The following WDR72 variants were observed in gnomAD, a reference collection of about 807,000 sequenced individuals.
The protein encoded by WDR72 is WD repeat-containing protein 72.
In WDR72, 120 loss-of-function variants were observed where a neutral mutation model predicts 124.2. The ratio of observed to expected loss-of-function variants is 0.97; its 90% confidence interval spans 0.83 to 1.12. The LOEUF (loss-of-function observed/expected upper bound fraction) is 1.12. WDR72 is among the 50% of genes most tolerant of loss of function. The pLI is 0.00. For synonymous variants in WDR72, 452 were observed against 441.7 expected (o/e 1.02, Z -0.29); for missense variants, 1,387 against 1,278.8 (o/e 1.08, Z -1.29).
intron 13 of WDR72, among the ~76,000 whole-genome samples, chr15:53,687,923 A>C: frequency 6.7e-6 from 1 of 150,048 alleles, no homozygotes; most frequent in South Asian, 2.1e-4. Context: ...CAAATCAATA[A>C]ATGTAATCCA....
intron 18 of WDR72, among the ~76,000 whole-genome samples, chr15:53,561,777 C>T (rs1329562805): frequency 6.6e-6 from 1 of 151,798 alleles, no homozygotes; most frequent in African/African-American, 2.4e-5. Context: ...CAGATGCCAG[C>T]ACCCTACTAT....
chr15:53,689,154 G>T (rs1389879632), intron 13 of WDR72, among the ~76,000 whole-genome samples: 1 of 152,142 alleles, frequency 6.6e-6, no homozygotes, highest in Admixed American at 6.5e-5. Flanking sequence ...CATAGGCATG[G>T]GCCAGGACTT....
At chr15:53,600,547 A>T (rs1426524788) in intron 17 of WDR72, among the ~76,000 whole-genome samples, 2 of 152,190 alleles carry the variant, frequency 1.3e-5, no homozygotes, top group African/African-American at 4.8e-5. Flanking sequence ...TATTAACTAA[A>T]GGTATTACTG....
At chr15:53,669,059 A>G (rs2015897937) in intron 13 of WDR72, among the ~76,000 whole-genome samples, 3 of 148,562 alleles carry the variant, frequency 2.0e-5, no homozygotes, top group South Asian at 4.4e-4. Flanking sequence ...GGGGAGGGGA[A>G]GGGGAAGAAG....
In WDR72 at chr15:53,705,912, A is replaced by G. The variant is rs957994878; in HGVS notation, c.1102+15T>C. On this transcript the variant is annotated intron_variant, in intron 10 of 19. Coordinates refer to ENST00000360509, the MANE Select transcript of WDR72 (RefSeq NM_182758.4). ...TTCTCAGAAGACATGTTACTAGAAA[A>G]GGAAACTGACTTACCTCTAGGAGAA... is the stretch of plus-strand genomic sequence containing the variant. 6.2e-6 allele frequency: 10 copies of G among 1,613,952 alleles called. No homozygotes were observed. Among genetic ancestry groups the G allele is most frequent in the Non-Finnish European group, 8.5e-6 (10 of 1,179,922 alleles).
chr15:53,636,789 C>T (rs1053074993), intron 14 of WDR72, among the ~76,000 whole-genome samples: 5 of 152,122 alleles, frequency 3.3e-5, no homozygotes, highest in Admixed American at 6.5e-5. Context: ...ACACAGGTAA[C>T]GACTGGAAGA....
intron 14 of WDR72, among the ~76,000 whole-genome samples, chr15:53,657,893 T>C (rs1482486322): frequency 6.6e-6 from 1 of 152,220 alleles, no homozygotes; most frequent in Non-Finnish European, 1.5e-5. Context: ...ATCAGCTTTA[T>C]GAATTTTCAG....
At chr15:53,705,816 A>G in intron 10 of WDR72, 111 bp downstream of exon 10, 1 of 1,287,170 alleles carries the variant, frequency 7.8e-7, no homozygotes, top group South Asian at 1.2e-5. Context: ...GTAGTAGTAC[A>G]CAATAAATTT....
At position 53,623,169 on chromosome 15, in the gene WDR72, C is replaced by T. The variant is rs141594792; in HGVS notation, c.1963-6926G>A. 1.5e-3 allele frequency among the ~76,000 whole-genome samples: 235 copies of T among 151,958 alleles called. 12 individuals carry two copies. The East Asian group carries it at 0.035, about 23-fold the overall frequency. ...TCAACTTTTATTTTAGATTCAGGGG[C>T]TACATCTGCAGATTTGTGGTTTGGG... On this transcript the variant is annotated intron_variant, in intron 14 of 19. Coordinates refer to ENST00000360509, the MANE Select transcript of WDR72 (RefSeq NM_182758.4).
intron 13 of WDR72, among the ~76,000 whole-genome samples, chr15:53,671,127 G>C (rs1294726150): frequency 6.6e-6 from 1 of 152,132 alleles, no homozygotes; most frequent in Non-Finnish European, 1.5e-5. Context: ...ACCTGCTCAT[G>C]ATTTTTTTTT....
intron 14 of WDR72, among the ~76,000 whole-genome samples, chr15:53,644,429 C>G (rs1429321515): frequency 6.6e-6 from 1 of 151,802 alleles, no homozygotes; most frequent in Non-Finnish European, 1.5e-5. Flanking sequence ...ATTTTTTAAG[C>G]CGATTAACTA....
At chr15:53,743,944 C>A (rs1169718665) in intron 1 of WDR72, among the ~76,000 whole-genome samples, 1 of 148,974 alleles carries the variant, frequency 6.7e-6, no homozygotes, top group Non-Finnish European at 1.5e-5. Context: ...CACTGCAGCC[C>A]GGCCTGGGCG....
Position 53,616,237 on chromosome 15 carries a change from C to A in WDR72, c.1969G>T (p.Asp657Tyr). ...LQVESSCKVT[D>Y]AKFCPRPFNV... Reference sequence around the variant, plus strand: ...AAAGGTCTTGGGCAAAATTTGGCATCAGTAACCTAAGGGAACAAAAAATAT... The same window carrying A: ...AAAGGTCTTGGGCAAAATTTGGCATAAGTAACCTAAGGGAACAAAAAATAT... Residue 657 changes from aspartate to tyrosine, a missense_variant, in exon 15 of 20, where the codon GAT (aspartate) becomes TAT (tyrosine). Physicochemically the swap from Asp to Tyr is radical, Grantham distance 160 (BLOSUM62 -3). Coordinates refer to ENST00000360509, the MANE Select transcript of WDR72 (RefSeq NM_182758.4). 1 of 1,600,206 alleles carries A rather than the reference C, an allele frequency of 6.2e-7. No individual in the cohort carries two copies. The highest frequency in any genetic ancestry group is 8.5e-7 in the Non-Finnish European group (1 of 1,178,760).
At chr15:53,556,017 A>G (rs1893919305) in intron 18 of WDR72, among the ~76,000 whole-genome samples, 1 of 152,176 alleles carries the variant, frequency 6.6e-6, no homozygotes, top group Non-Finnish European at 1.5e-5. Flanking sequence ...ACCAAAATAT[A>G]CAGTAAAATC....
At chr15:53,576,898 T>C (rs1174194353) in intron 18 of WDR72, among the ~76,000 whole-genome samples, 1 of 152,176 alleles carries the variant, frequency 6.6e-6, no homozygotes, top group Admixed American at 6.6e-5. Flanking sequence ...CTGGTTTTTA[T>C]ATGTTGGAAA....
In WDR72 at chr15:53,710,445, C is replaced by T. The variant is rs116000754; in HGVS notation, c.954+412G>A. On this transcript the variant is annotated intron_variant, in intron 9 of 19. Transcript: ENST00000360509. ...TAGCAATTGGTGAATCTAAGTAAAA[C>T]GTATATGAATAATTACTACACTACT... 5.5e-3 allele frequency among the ~76,000 whole-genome samples: 838 copies of T among 151,930 alleles called. 8 individuals are homozygous for T. The highest frequency in any genetic ancestry group is 0.019 in the African/African-American group (795 of 41,446).
At chr15:53,619,505 T>C (rs2140373773) in intron 14 of WDR72, among the ~76,000 whole-genome samples, 2 of 152,044 alleles carry the variant, frequency 1.3e-5, no homozygotes, top group African/African-American at 4.8e-5. Flanking sequence ...AAAAGTACTT[T>C]CCCCCCTCCA....
intron 18 of WDR72, among the ~76,000 whole-genome samples, chr15:53,529,164 A>ATATATATT (rs59003623): frequency 9.5e-4 from 74 of 78,148 alleles, no homozygotes; most frequent in African/African-American, 3.4e-3. Context: ...ATATATATAT[A>ATATATATT]TTTTTTTTTT....
chr15:53,592,473 GT>G, intron 18 of WDR72, among the ~76,000 whole-genome samples: 1 of 152,106 alleles, frequency 6.6e-6, no homozygotes, highest in Non-Finnish European at 1.5e-5. Context: ...TCACCAAAAT[GT>G]TTCTGTTGAA....
Sources: allele counts gnomAD v4.1 joint callset (sites outside exome capture counted in the v4.1 genomes callset), GRCh38; gene constraint gnomAD v4.1.1; transcripts MANE v1.5; gene names NCBI Gene and HGNC (gene_info 2026-07-23, HGNC 2026-07-21).